SLX4IP: variants seen among roughly 807,000 people sequenced by gnomAD.
SLX4IP encodes SLX4 interacting protein.
SLX4IP carries 34 observed loss-of-function variants against 32.9 expected under a neutral mutation model. The ratio of observed to expected loss-of-function variants is 1.03; its 90% CI spans 0.79 to 1.38. SLX4IP has a LOEUF of 1.38. Among genes scored for constraint, SLX4IP ranks in the 40% most tolerant of loss-of-function variants. SLX4IP has a pLI of 0.00. For synonymous variants in SLX4IP, 172 were observed against 171.7 expected (o/e 1.00, Z -0.01); for missense variants, 444 against 479.0 (o/e 0.93, Z 0.68).
intron 4 of SLX4IP, among the ~76,000 whole-genome samples, chr20:10,589,034 T>C (rs770289988): frequency 6.6e-6 from 1 of 152,220 alleles, no homozygotes. Flanking sequence ...CAAATCATCA[T>C]GTTCTATACC....
chr20:10,595,691 C>T (rs2066761946), intron 4 of SLX4IP, among the ~76,000 whole-genome samples: 1 of 152,170 alleles, frequency 6.6e-6, no homozygotes, highest in Non-Finnish European at 1.5e-5. Context: ...TCTTTCTAAG[C>T]ATTTCAGTGC....
chr20:10,599,894 C>G (rs1436716421), intron 5 of SLX4IP, among the ~76,000 whole-genome samples: 2 of 152,094 alleles, frequency 1.3e-5, no homozygotes. Flanking sequence ...CTGTTAATAC[C>G]TGGCAGCACC....
chr20:10,603,433 C>G (rs2066867122), intron 6 of SLX4IP, among the ~76,000 whole-genome samples: 2 of 152,196 alleles, frequency 1.3e-5, no homozygotes, highest in African/African-American at 4.8e-5. Context: ...CTGAAACTCT[C>G]ACCGGTCTAA....
intron 6 of SLX4IP, among the ~76,000 whole-genome samples, chr20:10,602,544 T>G (rs1300489101): frequency 6.6e-6 from 1 of 152,158 alleles, no homozygotes; most frequent in Non-Finnish European, 1.5e-5. Context: ...TCTGCCTGAC[T>G]TCTACACAGA....
intron 2 of SLX4IP, among the ~76,000 whole-genome samples, chr20:10,488,282 A>G (rs1268187839): frequency 6.6e-6 from 1 of 152,198 alleles, no homozygotes; most frequent in Non-Finnish European, 1.5e-5. Context: ...GGACATTTGG[A>G]CACAGAGACA....
chr20:10,594,674 A>C (rs2066749246), intron 4 of SLX4IP, among the ~76,000 whole-genome samples: 1 of 152,232 alleles, frequency 6.6e-6, no homozygotes, highest in Non-Finnish European at 1.5e-5. Flanking sequence ...TCATTGGAAC[A>C]TGGTACTACT....
At chr20:10,536,743 C>G (rs902388149) in intron 2 of SLX4IP, among the ~76,000 whole-genome samples, 2 of 152,230 alleles carry the variant, frequency 1.3e-5, no homozygotes, top group Non-Finnish European at 2.9e-5. Context: ...GCTATGCCAG[C>G]TGGCATAAAT....
intron 1 of SLX4IP, among the ~76,000 whole-genome samples, chr20:10,454,114 T>G (rs1207898479): frequency 6.6e-6 from 1 of 152,196 alleles, no homozygotes; most frequent in Non-Finnish European, 1.5e-5. Context: ...TAGGTTTTTT[T>G]CTGTATTTGG....
At chr20:10,467,573 C>T (rs564875238) in intron 2 of SLX4IP, among the ~76,000 whole-genome samples, 11 of 152,182 alleles carry the variant, frequency 7.2e-5, no homozygotes, top group African/African-American at 1.2e-4. Context: ...AGGGTCAATG[C>T]GAGTTTGCAG....
At chr20:10,490,636 AAGAATGGAG>A (rs1234468500) in intron 2 of SLX4IP, among the ~76,000 whole-genome samples, 7 of 152,296 alleles carry the variant, frequency 4.6e-5, no homozygotes, top group Non-Finnish European at 8.8e-5. Context: ...AGGATCCAGA[AAGAATGGAG>A]AGACTTGAAA....
chr20:10,620,336 G>C (rs75726023), intron 6 of SLX4IP, among the ~76,000 whole-genome samples: 3,603 of 152,260 alleles, frequency 0.024, 107 homozygotes, highest in African/African-American at 0.07. Context: ...TGGCAAGGTA[G>C]GTAGGCTTTT....
At chr20:10,572,324 G>A (rs1428160210) in intron 4 of SLX4IP, among the ~76,000 whole-genome samples, 2 of 152,152 alleles carry the variant, frequency 1.3e-5, no homozygotes, top group East Asian at 3.9e-4. Flanking sequence ...GTATGTTTAT[G>A]TGGTTTTTTT....
At chr20:10,522,202 A>G (rs1392377319) in intron 2 of SLX4IP, among the ~76,000 whole-genome samples, 2 of 152,162 alleles carry the variant, frequency 1.3e-5, no homozygotes, top group African/African-American at 4.8e-5. Flanking sequence ...CTCAATAGAA[A>G]ATGCACGTTG....
In SLX4IP at chr20:10,504,126, C is replaced by T. The variant is rs564504121; in HGVS notation, c.27+45895C>T. Among the ~76,000 whole-genome samples the T allele has an allele frequency of 7.9e-5, 12 of 152,248 alleles. No homozygotes were observed. In the South Asian group the frequency reaches 8.3e-4, roughly 11 times the overall value. On this transcript the variant is annotated intron_variant, in intron 2 of 7. Transcript: ENST00000334534. ...CCTAGATATTTTTAAGGGTGGAGAG[C>T]GCTCTTGACCTTTCCTTTGACAGCC...
At chr20:10,526,186 A>G (rs2065938974) in intron 2 of SLX4IP, among the ~76,000 whole-genome samples, 2 of 152,194 alleles carry the variant, frequency 1.3e-5, no homozygotes, top group African/African-American at 2.4e-5. Flanking sequence ...TTCTTCCCCA[A>G]TATTCTACTT....
intron 2 of SLX4IP, among the ~76,000 whole-genome samples, chr20:10,463,346 GGTATCCA>G (rs1411514272): frequency 6.6e-6 from 1 of 152,132 alleles, no homozygotes; most frequent in Non-Finnish European, 1.5e-5. Context: ...TTCCTCTTTG[GGTATCCA>G]GTTTCTGGGC....
At position 10,627,021 on chromosome 20, in the gene SLX4IP, A is replaced by T. The variant is rs2067179959; in HGVS notation, c.*3642A>T. ...AGAGCTTGGCGAGGGCAGAACACATAAGGGAAGGAAACCTCTGCTCAAGAG... is the reference window on the plus strand; with the variant it reads ...AGAGCTTGGCGAGGGCAGAACACATTAGGGAAGGAAACCTCTGCTCAAGAG... On this transcript the variant is annotated 3_prime_UTR_variant, in exon 8 of 8. Transcript: ENST00000334534. 6.6e-6 allele frequency: 1 copy of T among 152,186 alleles called. No homozygotes were observed. The highest frequency in any genetic ancestry group is 1.5e-5 in the Non-Finnish European group (1 of 68,032). The allele number at this position is 152,186 out of a possible 1,614,324, so 9.4% of individuals were successfully genotyped here.
At chr20:10,533,958 G>A (rs1334191836) in intron 2 of SLX4IP, among the ~76,000 whole-genome samples, 1 of 152,090 alleles carries the variant, frequency 6.6e-6, no homozygotes, top group African/African-American at 2.4e-5. Flanking sequence ...TTAATTTTGT[G>A]TTGTCTGATT....
chr20:10,480,789 C>A (rs912783303), intron 2 of SLX4IP, among the ~76,000 whole-genome samples: 4 of 152,066 alleles, frequency 2.6e-5, no homozygotes, highest in African/African-American at 9.7e-5. Context: ...ATTTCATTTC[C>A]GGAATTGTTT....
Sources: allele counts gnomAD v4.1 joint callset (sites outside exome capture counted in the v4.1 genomes callset), GRCh38; gene constraint gnomAD v4.1.1; transcripts MANE v1.5; gene names NCBI Gene and HGNC (gene_info 2026-07-23, HGNC 2026-07-21).